CMC1: variants seen among roughly 807,000 people sequenced by gnomAD.
The protein encoded by CMC1 is C-X9-C motif containing 1.
CMC1 carries 14 observed loss-of-function variants against 14.1 expected under a neutral mutation model. The observed-to-expected ratio is 0.99, with a 90% CI of 0.66 to 1.55. The LOEUF (loss-of-function observed/expected upper bound fraction) is 1.55. CMC1 is among the 40% of genes most tolerant of loss of function. The pLI, the probability that CMC1 is intolerant of heterozygous loss-of-function variation, is 0.00. For synonymous variants in CMC1, 50 were observed against 38.4 expected, an observed-to-expected ratio of 1.30 and a Z score of -1.12; for missense variants, 127 against 123.8, an observed-to-expected ratio of 1.03 and a Z score of -0.12.
chr3:28,275,339 T>C (rs879106959), intron 2 of CMC1, among the ~76,000 whole-genome samples: 2 of 145,904 alleles, frequency 1.4e-5, no homozygotes, highest in African/African-American at 5.0e-5. Context: ...TTTTTTTTTT[T>C]TCTTTTTTTT....
chr3:28,281,912 T>C (rs1047894220), intron 2 of CMC1, among the ~76,000 whole-genome samples: 1 of 152,090 alleles, frequency 6.6e-6, no homozygotes, highest in Non-Finnish European at 1.5e-5. Flanking sequence ...AGCAAAGAGA[T>C]TGACCTTAGG....
Position 28,271,624 on chromosome 3 carries a change from G to A in CMC1, c.109+8244G>A, listed in dbSNP as rs538589920. Among the ~76,000 whole-genome samples the A allele has an allele frequency of 1.2e-4, 19 of 152,274 alleles. No individual in the cohort carries two copies. In the East Asian group the frequency reaches 3.5e-3, roughly 28 times the overall value. On this transcript the variant is annotated intron_variant, in intron 2 of 3. Coordinates refer to ENST00000466830, the MANE Select transcript of CMC1 (RefSeq NM_182523.2). ...CTGTAGCCTTACAGTTTGAAGTCAG[G>A]TAGCATGATGCCTCCACCTTTGTTC...
intron 2 of CMC1, among the ~76,000 whole-genome samples, chr3:28,268,610 G>A (rs978501746): frequency 2.0e-5 from 3 of 152,270 alleles, no homozygotes; most frequent in Admixed American, 1.3e-4. Context: ...TATCAATTAC[G>A]AAATGGGGAC....
intron 1 of CMC1, among the ~76,000 whole-genome samples, chr3:28,243,993 GGCCATCAGGTA>G (rs1419619270): frequency 1.3e-5 from 2 of 152,180 alleles, no homozygotes; most frequent in Non-Finnish European, 2.9e-5. Context: ...GAGTGTGCTT[GGCCATCAGGTA>G]GCAAATACTT....
intron 1 of CMC1, among the ~76,000 whole-genome samples, chr3:28,254,029 C>T (rs796181783): frequency 1.3e-5 from 2 of 152,142 alleles, no homozygotes; most frequent in Non-Finnish European, 1.5e-5. Context: ...TATGAGCTAA[C>T]AAATTCAGCC....
chr3:28,263,017 C>A lies in CMC1; in HGVS notation c.20-274C>A, dbSNP rs1699812081. 4 of 289,982 alleles carry A rather than the reference C, an allele frequency of 1.4e-5. No homozygotes were observed. In the South Asian group the frequency reaches 1.9e-4, roughly 13 times the overall value. The allele number at this position is 289,982 out of a possible 1,614,324, so 18.0% of individuals were successfully genotyped here. A position where few individuals can be genotyped will look rare whatever the true frequency, so the allele number is the denominator to read the frequency against. On this transcript the variant is annotated intron_variant, in intron 1 of 3. Coordinates refer to ENST00000466830, the MANE Select transcript of CMC1 (RefSeq NM_182523.2). ...TTAGATGCCAACTTTGACAAGATTGCATGGAATATGTTATAAAGTAAAGAT... is the reference window on the plus strand; with the variant it reads ...TTAGATGCCAACTTTGACAAGATTGAATGGAATATGTTATAAAGTAAAGAT...
rs188597760 is a variant in CMC1 at position 28,295,055 on chromosome 3, C to G, written c.110-21278C>G. 2.0e-5 allele frequency among the ~76,000 whole-genome samples: 3 copies of G among 152,130 alleles called. No homozygotes were observed. The East Asian group carries it at 5.8e-4, about 29-fold the overall frequency. On this transcript the variant is annotated intron_variant, in intron 2 of 3. Coordinates refer to ENST00000466830, the MANE Select transcript of CMC1 (RefSeq NM_182523.2). Reference sequence around the variant, plus strand: ...GAATGCAGTGTTCACGCTGTGCTACCCCAGAAATACCTTTAGTGAATAATG... The same window carrying G: ...GAATGCAGTGTTCACGCTGTGCTACGCCAGAAATACCTTTAGTGAATAATG...
chr3:28,282,237 G>C (rs905652520), intron 2 of CMC1, among the ~76,000 whole-genome samples: 6 of 152,190 alleles, frequency 3.9e-5, no homozygotes, highest in African/African-American at 1.4e-4. Flanking sequence ...ACTAGAAGCT[G>C]TTTTCCATTA....
chr3:28,319,777 T>G lies in CMC1; in HGVS notation c.*148T>G, dbSNP rs1703128623. On this transcript the variant is annotated 3_prime_UTR_variant, in exon 4 of 4. Coordinates refer to ENST00000466830, the MANE Select transcript of CMC1 (RefSeq NM_182523.2). ...GAAATAAATATTTTATTTCAAAGTT[T>G]TGGTTTCTTAAATGGGAAAGGAGTA... 1.1e-5 allele frequency: 8 copies of G among 733,144 alleles called. No homozygotes were observed. The highest frequency in any genetic ancestry group is 1.8e-5 in the African/African-American group (1 of 54,286). 45.4% of individuals were successfully genotyped at this position (733,144 alleles called of 1,614,324 possible). A position where few individuals can be genotyped will look rare whatever the true frequency, so the allele number is the denominator to read the frequency against.
intron 1 of CMC1, chr3:28,253,619 C>A: frequency 8.5e-6 from 4 of 468,586 alleles, no homozygotes; most frequent in South Asian, 4.1e-5. Flanking sequence ...CCCCAAAAAA[C>A]TCCCCCCAAA....
intron 1 of CMC1, among the ~76,000 whole-genome samples, chr3:28,252,937 A>G (rs1183996881): frequency 6.6e-6 from 1 of 152,182 alleles, no homozygotes; most frequent in Non-Finnish European, 1.5e-5. Context: ...CATTGCGGGG[A>G]AGAAAACATC....
chr3:28,257,453 A>G (rs1427342057), intron 1 of CMC1, among the ~76,000 whole-genome samples: 2 of 152,258 alleles, frequency 1.3e-5, no homozygotes, highest in South Asian at 2.1e-4. Context: ...ATCACTAAGT[A>G]GTTTTTGGCT....
intron 1 of CMC1, among the ~76,000 whole-genome samples, chr3:28,242,743 A>G (rs991094508): frequency 1.3e-5 from 2 of 152,194 alleles, no homozygotes; most frequent in Admixed American, 6.5e-5. Context: ...CTAGTCCAGC[A>G]GGTAGTGGTA....
rs576718501 is a variant in CMC1 at position 28,287,706 on chromosome 3, A to G, written c.109+24326A>G. On this transcript the variant is annotated intron_variant, in intron 2 of 3. Coordinates refer to ENST00000466830, the MANE Select transcript of CMC1 (RefSeq NM_182523.2). The stretch of plus-strand genomic sequence containing the variant: ...TTAATATATATTGGTTTTTATTTTT[A>G]CCGTTATATTGAGCTTTTCTATTTT... 1.7e-3 allele frequency among the ~76,000 whole-genome samples: 259 copies of G among 151,820 alleles called. 1 individual carries two copies. The highest frequency in any genetic ancestry group is 6.0e-3 in the African/African-American group (250 of 41,478).
chr3:28,304,155 G>A (rs983946715), intron 2 of CMC1, among the ~76,000 whole-genome samples: 5 of 151,982 alleles, frequency 3.3e-5, no homozygotes, highest in Admixed American at 2.0e-4. Flanking sequence ...AGTCGCATTA[G>A]CCACATTCAG....
At chr3:28,312,528 G>C (rs1359459038) in intron 2 of CMC1, among the ~76,000 whole-genome samples, 1 of 152,202 alleles carries the variant, frequency 6.6e-6, no homozygotes, top group Admixed American at 6.5e-5. Context: ...TCAATGCACA[G>C]TTGTCATATT....
chr3:28,322,058 A>G lies in CMC1; in HGVS notation c.*2429A>G, dbSNP rs1268119915. ...TTTTTTGGTTGTTTGAATTTTACCT[A>G]GAACAGAGATATCAAGTGTAGATTT... On this transcript the variant is annotated 3_prime_UTR_variant, in exon 4 of 4. Transcript: ENST00000466830. 2.0e-5 allele frequency: 3 copies of G among 151,350 alleles called. No individual in the cohort carries two copies. Among genetic ancestry groups the G allele is most frequent in the Admixed American group, 6.6e-5 (1 of 15,140 alleles). The allele number at this position is 151,350 out of a possible 1,614,324, so 9.4% of individuals were successfully genotyped here.
In CMC1 at chr3:28,321,271, G is replaced by GT. The variant is rs1164492336; in HGVS notation, c.*1647dup. 1 of 151,274 alleles carries GT rather than the reference G, an allele frequency of 6.6e-6. No homozygotes were observed. Among genetic ancestry groups the GT allele is most frequent in the Non-Finnish European group, 1.5e-5 (1 of 67,516 alleles). The allele number at this position is 151,274 out of a possible 1,614,324, so 9.4% of individuals were successfully genotyped here. ...TTTCCTAGAGCACAGGAAGTTAACT[G>GT]TTTTTAGAGATAAATGAAAATGGAA... is the stretch of plus-strand genomic sequence containing the variant. On this transcript the variant is annotated 3_prime_UTR_variant, in exon 4 of 4. Coordinates refer to ENST00000466830, the MANE Select transcript of CMC1 (RefSeq NM_182523.2).
Position 28,324,382 on chromosome 3 carries a change from G to A in CMC1, c.*4753G>A. The A allele has an allele frequency of 1.3e-6, 2 of 1,566,106 alleles. No individual in the cohort carries two copies. The highest frequency in any genetic ancestry group is 1.7e-6 in the Non-Finnish European group (2 of 1,155,788). Reference sequence around the variant, plus strand: ...GAGAGGGGGATGTCTTGTGTATGTTGCAGTAAAATTCATCAAGTGCAGTTT... The same window carrying A: ...GAGAGGGGGATGTCTTGTGTATGTTACAGTAAAATTCATCAAGTGCAGTTT... On this transcript the variant is annotated 3_prime_UTR_variant, in exon 4 of 4. Transcript: ENST00000466830.
Sources: allele counts gnomAD v4.1 joint callset (sites outside exome capture counted in the v4.1 genomes callset), GRCh38; gene constraint gnomAD v4.1.1; transcripts MANE v1.5; gene names NCBI Gene and HGNC (gene_info 2026-07-23, HGNC 2026-07-21).